DGKB: variants seen among roughly 807,000 people sequenced by gnomAD.
DGKB encodes the protein 90 kDa diacylglycerol kinase.
DGKB carries 67 observed loss-of-function variants against 114.3 expected under a neutral mutation model. The ratio of observed to expected loss-of-function variants is 0.59; its 90% confidence interval spans 0.48 to 0.72. The LOEUF is 0.72. DGKB is among the 30% of genes least tolerant of loss of function. The probability of loss-of-function intolerance (pLI) is 0.00; values close to 1 mark genes in which losing one functional copy is unlikely to be tolerated. For synonymous variants in DGKB, 398 were observed against 323.1 expected (o/e 1.23, Z -2.49); for missense variants, 907 against 975.2 (o/e 0.93, Z 0.93).
chr7:14,728,702 CTTT>C (rs35568497), intron 5 of DGKB, among the ~76,000 whole-genome samples: 7 of 140,276 alleles, frequency 5.0e-5, no homozygotes, highest in Admixed American at 7.1e-5. Context: ...TTCCAGCCTC[CTTT>C]TTTTTTTTTT....
chr7:14,541,623 C>T lies in DGKB; in HGVS notation c.1770+32589G>A, dbSNP rs1031236564. Reference sequence around the variant, plus strand: ...TTTTAGAGAACCACATAGAAGCAACCTAATCCAAAACCTTCCCAAAGCATA... The same window carrying T: ...TTTTAGAGAACCACATAGAAGCAACTTAATCCAAAACCTTCCCAAAGCATA... On this transcript the variant is annotated intron_variant, in intron 20 of 25. Transcript: ENST00000402815. Among the ~76,000 whole-genome samples, 7 of 152,114 alleles carry T rather than the reference C, an allele frequency of 4.6e-5. No homozygotes were observed. In the East Asian group the frequency reaches 9.7e-4, roughly 21 times the overall value.
At chr7:14,582,695 C>A (rs1016869096) in intron 18 of DGKB, among the ~76,000 whole-genome samples, 1 of 152,002 alleles carries the variant, frequency 6.6e-6, no homozygotes, top group African/African-American at 2.4e-5. Context: ...GTTTTAAAAA[C>A]GTAAGCACAT....
intron 21 of DGKB, among the ~76,000 whole-genome samples, chr7:14,351,733 G>A (rs571823966): frequency 6.6e-6 from 1 of 152,250 alleles, no homozygotes; most frequent in Non-Finnish European, 1.5e-5. Flanking sequence ...TGTATAAAAA[G>A]TTAGGTATTT....
At chr7:14,832,951 A>G (rs745832264) in intron 2 of DGKB, among the ~76,000 whole-genome samples, 4 of 152,126 alleles carry the variant, frequency 2.6e-5, no homozygotes, top group Non-Finnish European at 5.9e-5. Context: ...TTAAGGTTCA[A>G]TATGTCCAAA....
chr7:14,816,914 A>T (rs148339664), intron 2 of DGKB, among the ~76,000 whole-genome samples: 5 of 152,310 alleles, frequency 3.3e-5, no homozygotes, highest in African/African-American at 1.2e-4. Context: ...TGCTAGTTGG[A>T]CACACTAATA....
intron 1 of DGKB, among the ~76,000 whole-genome samples, chr7:14,921,660 G>C (rs1784512672): frequency 6.6e-6 from 1 of 152,144 alleles, no homozygotes; most frequent in African/African-American, 2.4e-5. Context: ...ACACAGGAAA[G>C]CTCCTCAAAA....
chr7:14,149,653 T>G (rs1781889206), intron 25 of DGKB, among the ~76,000 whole-genome samples: 1 of 152,092 alleles, frequency 6.6e-6, no homozygotes, highest in Non-Finnish European at 1.5e-5. Flanking sequence ...CAGCCCAATA[T>G]CAAGATGTAC....
intron 2 of DGKB, among the ~76,000 whole-genome samples, chr7:14,809,853 G>T (rs1008828020): frequency 6.6e-6 from 1 of 152,092 alleles, no homozygotes; most frequent in Non-Finnish European, 1.5e-5. Flanking sequence ...GTGAGCAATA[G>T]GTCCTTTATT....
intron 13 of DGKB, among the ~76,000 whole-genome samples, chr7:14,643,688 G>C (rs1347375602): frequency 6.6e-6 from 1 of 152,120 alleles, no homozygotes; most frequent in Admixed American, 6.5e-5. Context: ...ACCAAAGCTT[G>C]AGAGCCACCT....
At chr7:14,600,194 G>C (rs1803294343) in intron 17 of DGKB, among the ~76,000 whole-genome samples, 1 of 152,090 alleles carries the variant, frequency 6.6e-6, no homozygotes, top group African/African-American at 2.4e-5. Flanking sequence ...GGCAGTAGAA[G>C]GGGAAAGGCG....
At chr7:14,713,587 A>T (rs1362207128) in intron 6 of DGKB, among the ~76,000 whole-genome samples, 1 of 151,868 alleles carries the variant, frequency 6.6e-6, no homozygotes, top group Non-Finnish European at 1.5e-5. Context: ...GATTTTAGTA[A>T]TAGCTAGATA....
chr7:14,851,172 T>G (rs1283376117), intron 1 of DGKB, among the ~76,000 whole-genome samples: 1 of 152,114 alleles, frequency 6.6e-6, no homozygotes, highest in Admixed American at 6.5e-5. Flanking sequence ...TAGAGGAGTA[T>G]GTGGGTGGCT....
At chr7:14,336,902 C>T (rs528800025) in intron 23 of DGKB, among the ~76,000 whole-genome samples, 19 of 152,118 alleles carry the variant, frequency 1.2e-4, no homozygotes, top group East Asian at 1.2e-3. Flanking sequence ...GTATAAGTAT[C>T]GGGAATGTGT....
chr7:14,712,003 T>C (rs1827435177), intron 6 of DGKB, among the ~76,000 whole-genome samples: 1 of 152,108 alleles, frequency 6.6e-6, no homozygotes, highest in Non-Finnish European at 1.5e-5. Flanking sequence ...CACAAGTAGT[T>C]TGGAAGAAAA....
intron 1 of DGKB, among the ~76,000 whole-genome samples, chr7:14,854,828 CTGAT>C (rs745374914): frequency 3.8e-4 from 58 of 152,156 alleles, no homozygotes; most frequent in Non-Finnish European, 7.2e-4. Context: ...TACAAAATAA[CTGAT>C]TGATTAATAA....
chr7:14,701,554 A>C (rs1269328925), intron 7 of DGKB, 127 bp downstream of exon 7: 2 of 656,070 alleles, frequency 3.0e-6, no homozygotes, highest in Non-Finnish European at 5.4e-6. Flanking sequence ...AAAGATAAAA[A>C]TGCCATATGA....
At chr7:14,250,606 T>A (rs1320972948) in intron 23 of DGKB, among the ~76,000 whole-genome samples, 1 of 152,190 alleles carries the variant, frequency 6.6e-6, no homozygotes, top group Non-Finnish European at 1.5e-5. Flanking sequence ...TTGAACAGAA[T>A]GTGCATTCTG....
upstream of DGKB, among the ~76,000 whole-genome samples, chr7:14,906,332 C>A (rs768572955): frequency 6.6e-6 from 1 of 151,892 alleles, no homozygotes; most frequent in African/African-American, 2.4e-5. Context: ...TTTCATCACT[C>A]TTAATAAATT....
intron 1 of DGKB, among the ~76,000 whole-genome samples, chr7:14,846,801 C>T (rs1848679621): frequency 2.0e-5 from 3 of 152,128 alleles, no homozygotes; most frequent in Admixed American, 2.0e-4. Flanking sequence ...GGCCACTGTA[C>T]CTGGGCTAAA....
Sources: allele counts gnomAD v4.1 joint callset (sites outside exome capture counted in the v4.1 genomes callset), GRCh38; gene constraint gnomAD v4.1.1; transcripts MANE v1.5; gene names NCBI Gene and HGNC (gene_info 2026-07-23, HGNC 2026-07-21).